The following TCF12 variants were observed in gnomAD, a reference collection of about 807,000 sequenced individuals.
TCF12 encodes the protein DNA-binding protein HTF4.
In TCF12, 45 loss-of-function variants were observed where a neutral mutation model predicts 86.0. That is an observed-to-expected ratio of 0.52 (90% CI 0.41 to 0.67). TCF12 has a LOEUF of 0.67. Ranked by LOEUF, TCF12 falls within the 30% of genes least tolerant of loss-of-function variation. The pLI is 0.00. For missense variants in TCF12, 881 were observed against 859.9 expected (o/e 1.02, Z -0.31); for synonymous variants, 330 against 299.6 (o/e 1.10, Z -1.05).
chr15:57,111,509 A>G (rs1481708253), intron 5 of TCF12, among the ~76,000 whole-genome samples: 1 of 151,762 alleles, frequency 6.6e-6, no homozygotes, highest in African/African-American at 2.4e-5. Flanking sequence ...ACCATCAGCC[A>G]CAGGAGGCCC....
chr15:57,223,643 G>GTTTTTTTTTTTTTGTTTTTTTT (rs2058710220), intron 8 of TCF12, among the ~76,000 whole-genome samples: 1 of 69,666 alleles, frequency 1.4e-5, no homozygotes, highest in African/African-American at 4.9e-5. Context: ...TACCAATGAG[G>GTTTTTTTTTTTTTGTTTTTTTT]TTTTTTTTTT....
chr15:56,965,760 A>C (rs2585082), intron 3 of TCF12, among the ~76,000 whole-genome samples: 62,827 of 151,884 alleles, frequency 0.41, 14,811 homozygotes, highest in Non-Finnish European at 0.53. Context: ...CATTTGCAGG[A>C]TAGTTATTCT....
At chr15:57,097,891 C>A (rs1021147231) in intron 5 of TCF12, among the ~76,000 whole-genome samples, 3 of 151,968 alleles carry the variant, frequency 2.0e-5, no homozygotes, top group African/African-American at 7.3e-5. Context: ...CACAATGGCT[C>A]ACCCCTGTAA....
At chr15:57,007,091 C>T (rs1160832870) in intron 3 of TCF12, among the ~76,000 whole-genome samples, 1 of 152,164 alleles carries the variant, frequency 6.6e-6, no homozygotes, top group Non-Finnish European at 1.5e-5. Flanking sequence ...TAGCTTCTTT[C>T]AGAGTCTATA....
At chr15:56,989,217 C>T (rs927670925) in intron 3 of TCF12, among the ~76,000 whole-genome samples, 1 of 152,042 alleles carries the variant, frequency 6.6e-6, no homozygotes, top group African/African-American at 2.4e-5. Flanking sequence ...ATTTTAAGTC[C>T]TGCAAGCAGA....
intron 7 of TCF12, among the ~76,000 whole-genome samples, chr15:57,196,783 G>T (rs1166863003): frequency 2.6e-5 from 4 of 152,028 alleles, no homozygotes; most frequent in African/African-American, 9.7e-5. Context: ...AACATTCAAG[G>T]ACAAATTGTA....
At chr15:56,919,618 A>T in intron 1 of TCF12, 1 of 264,152 alleles carries the variant, frequency 3.8e-6, no homozygotes. Flanking sequence ...GAGGTGGCAG[A>T]GACTGGCTCG....
chr15:57,161,565 A>G (rs183206482), intron 5 of TCF12, among the ~76,000 whole-genome samples: 1 of 152,218 alleles, frequency 6.6e-6, no homozygotes, highest in Admixed American at 6.5e-5. Context: ...ATTCTTGTAT[A>G]TTTTCCAATA....
chr15:57,227,446 A>C (rs1043468961), intron 8 of TCF12, among the ~76,000 whole-genome samples: 1 of 152,060 alleles, frequency 6.6e-6, no homozygotes, highest in East Asian at 1.9e-4. Flanking sequence ...TGCCAGTTTG[A>C]CTCAAATTTG....
intron 4 of TCF12, chr15:57,072,549 G>T: frequency 1.6e-6 from 1 of 610,012 alleles, no homozygotes; most frequent in South Asian, 3.2e-5. Flanking sequence ...TTTTATTTTT[G>T]AAGGGGAAAA....
chr15:57,147,882 C>CTTTTT (rs75528355), intron 5 of TCF12, among the ~76,000 whole-genome samples: 1 of 137,966 alleles, frequency 7.2e-6, no homozygotes. Context: ...GGAAACTAGA[C>CTTTTT]TTTTTTTTTT....
intron 8 of TCF12, among the ~76,000 whole-genome samples, chr15:57,202,788 A>C (rs1393382035): frequency 6.6e-6 from 1 of 152,058 alleles, no homozygotes; most frequent in African/African-American, 2.4e-5. Context: ...GAGTTCTCGG[A>C]ACCTCCAGTT....
At chr15:57,281,049 G>A (rs1224410746) in intron 19 of TCF12, among the ~76,000 whole-genome samples, 2 of 151,488 alleles carry the variant, frequency 1.3e-5, no homozygotes, top group African/African-American at 2.4e-5. Context: ...TGATCCAGTG[G>A]GTTTTTGATC....
chr15:57,213,933 G>T (rs1009855789), intron 8 of TCF12: 1 of 152,068 alleles, frequency 6.6e-6, no homozygotes, highest in Non-Finnish European at 1.5e-5. Flanking sequence ...AAAACCTGAG[G>T]GTCATCCTCA....
At chr15:57,034,508 T>A (rs1169292662) in intron 3 of TCF12, among the ~76,000 whole-genome samples, 2 of 152,232 alleles carry the variant, frequency 1.3e-5, no homozygotes, top group Non-Finnish European at 2.9e-5. Flanking sequence ...TTCAGCCTTG[T>A]GTCTTATGGT....
chr15:57,112,103 C>T (rs1246935532), intron 5 of TCF12, among the ~76,000 whole-genome samples: 2 of 152,160 alleles, frequency 1.3e-5, no homozygotes, highest in Non-Finnish European at 2.9e-5. Flanking sequence ...CCTCATCCGT[C>T]TTAAGAAGGT....
chr15:56,983,074 T>C (rs916320422), intron 3 of TCF12, among the ~76,000 whole-genome samples: 7 of 152,226 alleles, frequency 4.6e-5, no homozygotes, highest in African/African-American at 1.7e-4. Flanking sequence ...AAGGTTGTTG[T>C]TAGAAATAGT....
intron 4 of TCF12, among the ~76,000 whole-genome samples, chr15:57,064,827 A>G (rs1000065570): frequency 6.6e-6 from 1 of 150,736 alleles, no homozygotes; most frequent in Non-Finnish European, 1.5e-5. Context: ...AGAGAGAGAA[A>G]GACTTTTCCA....
At chr15:57,185,952 AAAAG>A (rs1174992376) in intron 6 of TCF12, among the ~76,000 whole-genome samples, 2 of 152,218 alleles carry the variant, frequency 1.3e-5, no homozygotes, top group African/African-American at 4.8e-5. Context: ...ACTGAGAAAA[AAAAG>A]AACAGTGTCA....
Sources: gnomAD v4.1 joint callset for allele counts (sites outside exome capture counted in the v4.1 genomes callset) on GRCh38, gnomAD v4.1.1 for gene constraint, MANE v1.5 for transcripts, NCBI Gene and HGNC (gene_info 2026-07-23, HGNC 2026-07-21) for gene names.